The following CLSTN2 variants were observed in gnomAD, a reference collection of about 807,000 sequenced individuals.
CLSTN2 encodes calsyntenin 2, also known as calsyntenin-2.
A neutral mutation model predicts 101.2 loss-of-function variants in CLSTN2; 48 were observed. The observed-to-expected ratio is 0.47, with a 90% CI of 0.38 to 0.60. The LOEUF is 0.60. Among genes scored for constraint, CLSTN2 ranks in the 20% least tolerant of loss-of-function variants. The pLI, the probability that CLSTN2 is intolerant of heterozygous loss-of-function variation, is 0.00. For missense variants in CLSTN2, 1,160 were observed against 1,238.2 expected, an observed-to-expected ratio of 0.94 and a Z score of 0.95; for synonymous variants, 481 against 463.6, an observed-to-expected ratio of 1.04 and a Z score of -0.48.
intron 2 of CLSTN2, among the ~76,000 whole-genome samples, chr3:140,226,826 G>A (rs2086324972): frequency 6.6e-6 from 1 of 152,138 alleles, no homozygotes; most frequent in African/African-American, 2.4e-5. Flanking sequence ...ATGGATGGCA[G>A]CAAAGGGAGA....
intron 1 of CLSTN2, among the ~76,000 whole-genome samples, chr3:140,009,526 T>C (rs1480683749): frequency 6.6e-6 from 1 of 152,236 alleles, no homozygotes; most frequent in African/African-American, 2.4e-5. Flanking sequence ...TTGTACTCAA[T>C]ACATGGAATC....
chr3:140,543,033 A>G (rs894562284), intron 9 of CLSTN2, among the ~76,000 whole-genome samples: 7 of 152,230 alleles, frequency 4.6e-5, no homozygotes, highest in African/African-American at 1.7e-4. Context: ...GTTCATCTAT[A>G]ACTATAGAAT....
rs754303127 is a variant in CLSTN2 at position 140,573,763 on chromosome 3, C to T, written c.*7510C>T. 1 of 152,228 alleles carries T rather than the reference C, an allele frequency of 6.6e-6. No homozygotes were observed. Among genetic ancestry groups the T allele is most frequent in the Non-Finnish European group, 1.5e-5 (1 of 68,082 alleles). The allele number at this position is 152,228 out of a possible 1,614,324, so 9.4% of individuals were successfully genotyped here. A position where few individuals can be genotyped will look rare whatever the true frequency, so the allele number is the denominator to read the frequency against. On this transcript the variant is annotated 3_prime_UTR_variant, in exon 17 of 17. Transcript: ENST00000458420. ...ACCATCTGTTGAGTTCTGAAGAACCCAGATTCTCTCCTGCTCACAGCCTCA... is the reference window on the plus strand; with the variant it reads ...ACCATCTGTTGAGTTCTGAAGAACCTAGATTCTCTCCTGCTCACAGCCTCA...
intron 6 of CLSTN2, among the ~76,000 whole-genome samples, chr3:140,457,419 T>C (rs1013304636): frequency 8.5e-5 from 13 of 152,166 alleles, no homozygotes; most frequent in African/African-American, 3.1e-4. Flanking sequence ...ATTCCAGGGG[T>C]ACTAGGAAAA....
At chr3:140,316,432 A>C (rs1368537105) in intron 2 of CLSTN2, among the ~76,000 whole-genome samples, 2 of 152,170 alleles carry the variant, frequency 1.3e-5, no homozygotes, top group East Asian at 3.9e-4. Context: ...ATGCTAGTAC[A>C]AGTAGGCACC....
At chr3:140,198,900 A>C (rs903320163) in intron 2 of CLSTN2, among the ~76,000 whole-genome samples, 1 of 152,228 alleles carries the variant, frequency 6.6e-6, no homozygotes, top group African/African-American at 2.4e-5. Context: ...ATTATATCCC[A>C]CTTTGAATGA....
chr3:139,985,210 T>G (rs556328703), intron 1 of CLSTN2, among the ~76,000 whole-genome samples: 65 of 152,280 alleles, frequency 4.3e-4, no homozygotes, highest in African/African-American at 1.5e-3. Flanking sequence ...CTTAAAACCT[T>G]CCAATGGCTG....
intron 8 of CLSTN2, among the ~76,000 whole-genome samples, chr3:140,471,760 T>G (rs1289193226): frequency 6.6e-6 from 1 of 152,244 alleles, no homozygotes; most frequent in Non-Finnish European, 1.5e-5. Flanking sequence ...GTTTAGCCAC[T>G]ACACATCTAT....
At chr3:139,955,192 A>T (rs1015919483) in intron 1 of CLSTN2, among the ~76,000 whole-genome samples, 2 of 136,796 alleles carry the variant, frequency 1.5e-5, no homozygotes, top group Non-Finnish European at 3.1e-5. Flanking sequence ...AAGTTCTCTT[A>T]ATTCTGGGTG....
chr3:140,149,623 T>C (rs544798124), intron 1 of CLSTN2, among the ~76,000 whole-genome samples: 56 of 152,128 alleles, frequency 3.7e-4, no homozygotes, highest in Admixed American at 1.4e-3. Context: ...CATGCCCAGC[T>C]AATTTTTGTA....
At chr3:139,974,557 T>A (rs1935778144) in intron 1 of CLSTN2, among the ~76,000 whole-genome samples, 1 of 152,224 alleles carries the variant, frequency 6.6e-6, no homozygotes, top group African/African-American at 2.4e-5. Flanking sequence ...TCCAGGGAGC[T>A]GCATTGACTG....
At chr3:140,473,344 T>C (rs1252751904) in intron 8 of CLSTN2, among the ~76,000 whole-genome samples, 1 of 152,210 alleles carries the variant, frequency 6.6e-6, no homozygotes, top group African/African-American at 2.4e-5. Flanking sequence ...TCCCCAAAGA[T>C]GTCTACCTCT....
rs147942014 is a variant in CLSTN2, at chr3:140,360,998, G to A, written c.233-42631G>A. On this transcript the variant is annotated intron_variant, in intron 2 of 16. Transcript: ENST00000458420. ...AATAGAGGAGGAAGAAATACTTGTT[G>A]GTTTTTTCTGTGTGGTCAGTACTAT... Among the ~76,000 whole-genome samples the A allele has an allele frequency of 2.7e-3, 413 of 152,218 alleles. 3 individuals carry two copies. Among genetic ancestry groups the A allele is most frequent in the Non-Finnish European group, 4.1e-3 (279 of 68,000 alleles).
At chr3:140,489,239 G>A (rs990703841) in intron 8 of CLSTN2, among the ~76,000 whole-genome samples, 7 of 152,146 alleles carry the variant, frequency 4.6e-5, no homozygotes, top group African/African-American at 1.7e-4. Flanking sequence ...CTTCTGCACA[G>A]CTGGTAAGGT....
chr3:140,088,929 C>T (rs1426575435), intron 1 of CLSTN2, among the ~76,000 whole-genome samples: 1 of 152,116 alleles, frequency 6.6e-6, no homozygotes, highest in Non-Finnish European at 1.5e-5. Flanking sequence ...AAATATTTTA[C>T]ATTTGCTAAA....
chr3:140,017,841 G>A (rs1008132320), intron 1 of CLSTN2, among the ~76,000 whole-genome samples: 1 of 152,256 alleles, frequency 6.6e-6, no homozygotes, highest in Non-Finnish European at 1.5e-5. Context: ...GTGTAGGCCA[G>A]TGTCCTGAGG....
chr3:140,165,294 C>G (rs2010117480), intron 1 of CLSTN2, among the ~76,000 whole-genome samples: 1 of 152,142 alleles, frequency 6.6e-6, no homozygotes, highest in South Asian at 2.1e-4. Flanking sequence ...TCATTGGAAT[C>G]AAAGTGCTGC....
At chr3:140,000,165 A>G (rs2006797378) in intron 1 of CLSTN2, among the ~76,000 whole-genome samples, 4 of 152,174 alleles carry the variant, frequency 2.6e-5, no homozygotes, top group Admixed American at 6.5e-5. Flanking sequence ...AGGGAACTGA[A>G]TCTCAGAGGC....
intron 1 of CLSTN2, among the ~76,000 whole-genome samples, chr3:140,165,265 G>A (rs2010116815): frequency 6.6e-6 from 1 of 152,098 alleles, no homozygotes; most frequent in Non-Finnish European, 1.5e-5. Flanking sequence ...TTCTATTTGC[G>A]TGATACAGGA....
Sources: gnomAD v4.1 joint callset for allele counts (sites outside exome capture counted in the v4.1 genomes callset) on GRCh38, gnomAD v4.1.1 for gene constraint, MANE v1.5 for transcripts, NCBI Gene and HGNC (gene_info 2026-07-23, HGNC 2026-07-21) for gene names.